The following HTR2B variants were observed in gnomAD, a reference collection of about 807,000 sequenced individuals.
The protein encoded by HTR2B is 5-hydroxytryptamine receptor 2B.
In HTR2B, 31 loss-of-function variants were observed where a neutral mutation model predicts 39.8. That is an observed-to-expected ratio of 0.78 (90% CI 0.58 to 1.05). HTR2B has a LOEUF of 1.05. Among genes scored for constraint, HTR2B ranks in the 50% least tolerant of loss-of-function variants. HTR2B has a pLI of 0.00. For synonymous variants in HTR2B, 210 were observed against 207.1 expected, an observed-to-expected ratio of 1.01 and a Z score of -0.12; for missense variants, 562 against 578.0, an observed-to-expected ratio of 0.97 and a Z score of 0.28.
At chr2:231,111,286 G>C (rs985798054) in intron 3 of HTR2B, among the ~76,000 whole-genome samples, 1 of 152,122 alleles carries the variant, frequency 6.6e-6, no homozygotes, top group African/African-American at 2.4e-5. Context: ...TCCTTGTCCT[G>C]CTACCCCTCA....
At chr2:231,114,704 A>T (rs1386399031) in intron 2 of HTR2B, among the ~76,000 whole-genome samples, 1 of 152,230 alleles carries the variant, frequency 6.6e-6, no homozygotes, top group Non-Finnish European at 1.5e-5. Context: ...AGTCTTAAGC[A>T]CTTTAGAAAT....
At chr2:231,118,212 A>G (rs1695409869) in intron 2 of HTR2B, among the ~76,000 whole-genome samples, 1 of 152,148 alleles carries the variant, frequency 6.6e-6, no homozygotes, top group Admixed American at 6.5e-5. Flanking sequence ...AGTTCCTGGC[A>G]TAAAGAAAAC....
chr2:231,114,553 C>A (rs1332225408), intron 2 of HTR2B, among the ~76,000 whole-genome samples: 1 of 152,026 alleles, frequency 6.6e-6, no homozygotes, highest in African/African-American at 2.4e-5. Context: ...GATTGTTTCC[C>A]CTTCTATATT....
At chr2:231,118,220 A>G (rs1400892898) in intron 2 of HTR2B, among the ~76,000 whole-genome samples, 2 of 152,126 alleles carry the variant, frequency 1.3e-5, no homozygotes, top group African/African-American at 4.8e-5. Context: ...GCATAAAGAA[A>G]ACACTCAATA....
At position 231,109,346 on chromosome 2, in the gene HTR2B, G is replaced by A; in HGVS notation, c.617C>T (p.Thr206Ile). The A allele has an allele frequency of 6.2e-7, 1 of 1,614,090 alleles. No individual in the cohort carries two copies. The highest frequency in any genetic ancestry group is 1.1e-5 in the South Asian group (1 of 91,064). Residue 206 changes from threonine (T) to isoleucine (I), a missense_variant, in exon 4 of 4, where the codon ACT (threonine) becomes ATT (isoleucine). Physicochemically the swap from Thr to Ile is moderately conservative, Grantham distance 89. Transcript: ENST00000258400. The part of the protein sequence containing the change: ...ETDVDNPNNI[T>I]CVLTKERFGD... ...AAAACGTTCCTTTGTCAGCACACAAGTGATATTGTTTGGGTTGTCCACATC... is the reference window on the plus strand; with the variant it reads ...AAAACGTTCCTTTGTCAGCACACAAATGATATTGTTTGGGTTGTCCACATC...
rs1278174113 is a variant in HTR2B, at chr2:231,123,585, C to T, written c.180G>A (p.Leu60=). 1 of 1,614,098 alleles carries T rather than the reference C, an allele frequency of 6.2e-7. No individual in the cohort carries two copies. Among genetic ancestry groups the T allele is most frequent in the Admixed American group, 1.7e-5 (1 of 60,020 alleles). Residue 60 remains leucine (L), a synonymous_variant, in exon 2 of 4, where the codon CTG becomes CTA. Coordinates refer to ENST00000258400, the MANE Select transcript of HTR2B (RefSeq NM_000867.5). ...TTGTGGGTATTATCACCATGAGTAT[C>T]AGAAGAGCTGCCCAGTGCAGTTTAT... ...QGNKLHWAAL[L]ILMVIIPTIG...
At chr2:231,112,369 G>A (rs557186259) in intron 3 of HTR2B, among the ~76,000 whole-genome samples, 2 of 152,320 alleles carry the variant, frequency 1.3e-5, no homozygotes, top group South Asian at 4.1e-4. Context: ...TTTTCTCACT[G>A]TTTTTAAATC....
intron 2 of HTR2B, among the ~76,000 whole-genome samples, chr2:231,121,148 T>A (rs543814414): frequency 2.6e-5 from 4 of 152,342 alleles, no homozygotes; most frequent in Middle Eastern, 3.4e-3. Context: ...GTTCATTTTT[T>A]AAAAATCTAC....
intron 2 of HTR2B, among the ~76,000 whole-genome samples, chr2:231,120,457 AC>A (rs140790287): frequency 0.01 from 1,575 of 152,318 alleles, 13 homozygotes; most frequent in Non-Finnish European, 0.016. Flanking sequence ...ACAATAAAAA[AC>A]TACAACTGTA....
chr2:231,120,082 G>C (rs1030904147), intron 2 of HTR2B, among the ~76,000 whole-genome samples: 4 of 151,624 alleles, frequency 2.6e-5, no homozygotes, highest in Admixed American at 6.6e-5. Flanking sequence ...CTCCCGAGTA[G>C]CTGGGACTAC....
chr2:231,112,366 A>G, intron 3 of HTR2B, among the ~76,000 whole-genome samples: 1 of 151,918 alleles, frequency 6.6e-6, no homozygotes. Flanking sequence ...GCCTTTTCTC[A>G]CTGTTTTTAA....
intron 2 of HTR2B, among the ~76,000 whole-genome samples, chr2:231,121,979 A>G (rs559821912): frequency 1.3e-5 from 2 of 152,108 alleles, no homozygotes; most frequent in South Asian, 4.2e-4. Context: ...TACAGTATTT[A>G]TCAAATATGC....
intron 2 of HTR2B, among the ~76,000 whole-genome samples, chr2:231,116,420 A>ACT (rs976079212): frequency 6.6e-6 from 1 of 151,906 alleles, no homozygotes; most frequent in African/African-American, 2.4e-5. Flanking sequence ...TGAAGTCCTT[A>ACT]CTCTCTCTGT....
intron 3 of HTR2B, 88 bp from the exon 4 acceptor site, chr2:231,109,497 T>C: frequency 8.7e-7 from 1 of 1,146,626 alleles, no homozygotes; most frequent in East Asian, 2.4e-5. Context: ...CCTTATAACT[T>C]TATGCTTGTT....
intron 2 of HTR2B, 37 bp downstream of exon 2, chr2:231,123,376 C>A (rs375581072): frequency 7.1e-7 from 1 of 1,405,940 alleles, no homozygotes; most frequent in South Asian, 1.2e-5. Context: ...TATCATAGTT[C>A]TGTGGTTTGA....
intron 2 of HTR2B, among the ~76,000 whole-genome samples, chr2:231,118,969 A>G (rs1341126845): frequency 6.6e-6 from 1 of 150,752 alleles, no homozygotes; most frequent in Admixed American, 6.6e-5. Flanking sequence ...TTCTGTCTTT[A>G]TCTTCCAGAA....
At position 231,108,374 on chromosome 2, in the gene HTR2B, A is replaced by T; in HGVS notation, c.*143T>A. On this transcript the variant is annotated 3_prime_UTR_variant, in exon 4 of 4. Transcript: ENST00000258400. The stretch of plus-strand genomic sequence containing the variant: ...TAATCTTGTCCAAATTAGGAAAATT[A>T]GATATTCTTAATACTTACATCTTAG... 1 of 643,240 alleles carries T rather than the reference A, an allele frequency of 1.6e-6. No homozygotes were observed. Among genetic ancestry groups the T allele is most frequent in the Non-Finnish European group, 2.6e-6 (1 of 377,560 alleles). The allele number at this position is 643,240 out of a possible 1,614,324, so 39.8% of individuals were successfully genotyped here. A position where few individuals can be genotyped will look rare whatever the true frequency, so the allele number is the denominator to read the frequency against.
In HTR2B at chr2:231,113,945, A is replaced by G. The variant is rs1394666944; in HGVS notation, c.353-16T>C. 3 of 1,604,634 alleles carry G rather than the reference A, an allele frequency of 1.9e-6. No individual in the cohort carries two copies. In the South Asian group the frequency reaches 3.3e-5, roughly 18 times the overall value. On this transcript the variant is annotated splice_polypyrimidine_tract_variant and intron_variant, in intron 2 of 3. Transcript: ENST00000258400. ...CACATAGCCTCTGAAAGAAACAAAA[A>G]CAAGACAAACATTTTATTCTATAAA...
chr2:231,121,977 T>TTGCCTG (rs376759234), intron 2 of HTR2B, among the ~76,000 whole-genome samples: 25,127 of 152,186 alleles, frequency 0.17, 2,206 homozygotes, highest in Non-Finnish European at 0.17. Flanking sequence ...TGTACAGTAT[T>TTGCCTG]TATCAAATAT....
Sources: allele counts gnomAD v4.1 joint callset (sites outside exome capture counted in the v4.1 genomes callset), GRCh38; gene constraint gnomAD v4.1.1; transcripts MANE v1.5; gene names NCBI Gene and HGNC (gene_info 2026-07-23, HGNC 2026-07-21).